Variants in SPOCD1 observed in about 807,000 individuals in gnomAD.
SPOCD1 encodes SPOC domain containing 1.
In SPOCD1, 64 loss-of-function variants were observed where a neutral mutation model predicts 92.2. That is an observed-to-expected ratio of 0.69 (90% confidence interval 0.57 to 0.86). SPOCD1 has a LOEUF of 0.86. Among genes scored for constraint, SPOCD1 ranks in the 40% least tolerant of loss-of-function variants. The probability of loss-of-function intolerance (pLI) is 0.00; values close to 1 mark genes in which losing one functional copy is unlikely to be tolerated. For synonymous variants in SPOCD1, 578 were observed against 619.3 expected, an observed-to-expected ratio of 0.93 and a Z score of 0.99; for missense variants, 1,360 against 1,543.1, an observed-to-expected ratio of 0.88 and a Z score of 1.99.
At chr1:31,811,358 C>T (rs1298472739) in intron 2 of SPOCD1, among the ~76,000 whole-genome samples, 1 of 151,840 alleles carries the variant, frequency 6.6e-6, no homozygotes, top group African/African-American at 2.4e-5. Flanking sequence ...GTAGTCCCAG[C>T]TACTCAGGAG....
At chr1:31,813,273 G>T (rs529078205) in intron 2 of SPOCD1, among the ~76,000 whole-genome samples, 14 of 151,968 alleles carry the variant, frequency 9.2e-5, no homozygotes, top group South Asian at 2.1e-4. Context: ...CCTTTTTTTT[G>T]TTTGTTTGTT....
intron 3 of SPOCD1, among the ~76,000 whole-genome samples, chr1:31,801,201 G>A (rs559841664): frequency 3.9e-5 from 6 of 152,260 alleles, no homozygotes; most frequent in African/African-American, 1.4e-4. Context: ...AATGAACTAC[G>A]GAATCTGTCC....
At chr1:31,802,093 A>G (rs906465415) in intron 2 of SPOCD1, among the ~76,000 whole-genome samples, 1 of 152,176 alleles carries the variant, frequency 6.6e-6, no homozygotes, top group Admixed American at 6.5e-5. Flanking sequence ...ACTTGAACCC[A>G]GGAGGCGGAG....
chr1:31,813,972 G>A lies in SPOCD1; in HGVS notation c.1362C>T (p.Ser454=). The A allele has an allele frequency of 1.9e-6, 3 of 1,559,962 alleles. No homozygotes were observed. Among genetic ancestry groups the A allele is most frequent in the African/African-American group, 2.7e-5 (2 of 73,430 alleles). ...NSHQDRPEEP[S]PGGCPRLEEV... ...TCACCAGTCTGGGGCAGCCTCCTGGGCTGGGTTCCTCTGGCCTGTCCTGGT... is the reference window on the plus strand; with the variant it reads ...TCACCAGTCTGGGGCAGCCTCCTGGACTGGGTTCCTCTGGCCTGTCCTGGT... The change falls in exon 2 of 16, where the codon AGC becomes AGT. Residue 454 remains serine, a synonymous_variant. Transcript: ENST00000360482.
rs764532590 is a variant in SPOCD1 at position 31,792,675 on chromosome 1, T to G, written c.2775+3A>C. On this transcript the variant is annotated splice_donor_region_variant and intron_variant, in intron 14 of 15. Coordinates refer to ENST00000360482, the MANE Select transcript of SPOCD1 (RefSeq NM_144569.7). ...GAGGGGGTGCCCAAGAGTGGGCAGG[T>G]ACCTTGGCCTTGGCTGGGCAGATGC... is the stretch of plus-strand genomic sequence containing the variant. 1 of 1,593,824 alleles carries G rather than the reference T, an allele frequency of 6.3e-7. No homozygotes were observed. The highest frequency in any genetic ancestry group is 8.5e-7 in the Non-Finnish European group (1 of 1,170,126).
chr1:31,793,791 C>G lies in SPOCD1; in HGVS notation c.2490G>C (p.Glu830Asp), dbSNP rs1299950369. ...ALSQTPMPAP[E>D]MPKTRELSPT... ...GAGACAACTCCCTGGTTTTGGGCAT[C>G]TCTGGAGCAGGCATAGGAGTTTGGC... The change falls in exon 12 of 16, where the codon GAG becomes GAC. Residue 830 changes from glutamate (E) to aspartate (D), a missense_variant. Glu to Asp is a conservative substitution (Grantham distance 45). Transcript: ENST00000360482. The G allele has an allele frequency of 5.6e-6, 9 of 1,614,104 alleles. No homozygotes were observed. In the Admixed American group the frequency reaches 1.0e-4, roughly 18 times the overall value.
intron 12 of SPOCD1, 92 bp downstream of exon 12, chr1:31,793,655 C>G (rs1044554638): frequency 1.2e-6 from 2 of 1,603,998 alleles, no homozygotes; most frequent in African/African-American, 2.7e-5. Flanking sequence ...CAAGGCCACA[C>G]AGGAAAAGCC....
chr1:31,814,282 C>CT lies in SPOCD1; in HGVS notation c.1051dup (p.Ser351LysfsTer3). The CT allele has an allele frequency of 8.9e-6, 14 of 1,579,430 alleles. No homozygotes were observed. Among genetic ancestry groups the CT allele is most frequent in the Non-Finnish European group, 1.1e-5 (13 of 1,160,050 alleles). ...CTGTGCTGGAGCCTGGCCTTCATCG[C>CT]TGCCAGTCCGCACGACACACACAGC... On this transcript the variant is annotated frameshift_variant, in exon 2 of 16. Coordinates refer to ENST00000360482, the MANE Select transcript of SPOCD1 (RefSeq NM_144569.7). LOFTEE classifies it high-confidence loss of function. This position sits in a 1 kb window ranked among gnomAD's most constrained non-coding sequence, Gnocchi z 4.2.
rs1647576278 is a variant in SPOCD1 at position 31,791,298 on chromosome 1, G to T, written c.2963-7C>A. 6.6e-7 allele frequency: 1 copy of T among 1,505,910 alleles called. No individual in the cohort carries two copies. Among genetic ancestry groups the T allele is most frequent in the African/African-American group, 1.4e-5 (1 of 71,236 alleles). The allele number at this position is 1,505,910 out of a possible 1,614,324, so 93.3% of individuals were successfully genotyped here. ...ACAGGAAGAGCCCAAAGGCCTGCGG[G>T]GAAGAACTGTGTTCAGCTTAGCTGC... On this transcript the variant is annotated splice_polypyrimidine_tract_variant and splice_region_variant and intron_variant, in intron 15 of 15. Coordinates refer to ENST00000360482, the MANE Select transcript of SPOCD1 (RefSeq NM_144569.7).
intron 6 of SPOCD1, 127 bp from the exon 7 acceptor site, chr1:31,799,612 C>T: frequency 9.3e-7 from 1 of 1,080,678 alleles, no homozygotes; most frequent in South Asian, 1.5e-5. Context: ...ACCCCTCCCT[C>T]TATCCATCTG....
At chr1:31,805,563 C>CA (rs746945315) in intron 2 of SPOCD1, among the ~76,000 whole-genome samples, 11 of 151,860 alleles carry the variant, frequency 7.2e-5, no homozygotes, top group Admixed American at 6.6e-5. Flanking sequence ...CTGGCCCTAC[C>CA]AAAATTTTTT....
chr1:31,794,041 C>T, intron 11 of SPOCD1, 83 bp downstream of exon 11: 1 of 1,525,916 alleles, frequency 6.6e-7, no homozygotes. Context: ...TCTCCCCAGG[C>T]CACAAATCCC....
In SPOCD1 at chr1:31,793,764, G is replaced by C; in HGVS notation, c.2517C>G (p.Pro839=). Residue 839 remains proline (P), a synonymous_variant, in exon 12 of 16, where the codon CCC becomes CCG. Coordinates refer to ENST00000360482, the MANE Select transcript of SPOCD1 (RefSeq NM_144569.7). ...CCCCACACCTGTCCTGTGGTTCCGT[G>C]GGAGACAACTCCCTGGTTTTGGGCA... The part of the protein sequence containing the change: ...PEMPKTRELS[P]TEPQDRVPPS... The C allele has an allele frequency of 6.2e-7, 1 of 1,614,170 alleles. No homozygotes were observed. The highest frequency in any genetic ancestry group is 8.5e-7 in the Non-Finnish European group (1 of 1,180,042).
At chr1:31,794,433 A>G (rs67410810) in intron 10 of SPOCD1, 198 bp from the exon 11 acceptor site, 78,992 of 470,098 alleles carry the variant, frequency 0.17, 8,696 homozygotes, top group African/African-American at 0.39. Flanking sequence ...ACTTCTTGTC[A>G]CACCACTCAG....
At chr1:31,815,581 G>A (rs1473056051) in intron 1 of SPOCD1, among the ~76,000 whole-genome samples, 4 of 152,230 alleles carry the variant, frequency 2.6e-5, no homozygotes, top group Non-Finnish European at 5.9e-5. Context: ...AAACAGGGCC[G>A]AGCTACAGTG....
Position 31,798,819 on chromosome 1 carries a change from A to G in SPOCD1, c.1869-218T>C, listed in dbSNP as rs1648219308. 3.3e-6 allele frequency: 2 copies of G among 604,322 alleles called. No homozygotes were observed. Among genetic ancestry groups the G allele is most frequent in the African/African-American group, 1.9e-5 (1 of 53,974 alleles). 37.4% of individuals were successfully genotyped at this position (604,322 alleles called of 1,614,324 possible). On this transcript the variant is annotated intron_variant, in intron 7 of 15. Coordinates refer to ENST00000360482, the MANE Select transcript of SPOCD1 (RefSeq NM_144569.7). The surrounding 1 kb of genome is among the most constrained non-coding windows in gnomAD (Gnocchi z 4.1). ...ATGGGGTTACTGGGGCTCAGGGAAA[A>G]TAAGAGGCTTACTCACAACTGTGTA... is the stretch of plus-strand genomic sequence containing the variant.
Position 31,796,820 on chromosome 1 carries a change from CCT to C in SPOCD1, c.2146-107_2146-106del, listed in dbSNP as rs2149101168. On this transcript the variant is annotated intron_variant, in intron 9 of 15. Coordinates refer to ENST00000360482, the MANE Select transcript of SPOCD1 (RefSeq NM_144569.7). Reference sequence around the variant, plus strand: ...CTTGAGGCCCCTCTCTTGTGGTTCCCCTCTCCTCAAAACTTTTACTTCCGCCA... The same window carrying C: ...CTTGAGGCCCCTCTCTTGTGGTTCCCCTCCTCAAAACTTTTACTTCCGCCA... 12 of 1,528,046 alleles carry C rather than the reference CCT, an allele frequency of 7.9e-6. No homozygotes were observed. The South Asian group carries it at 1.4e-4, about 18-fold the overall frequency. 94.7% of individuals were successfully genotyped at this position (1,528,046 alleles called of 1,614,324 possible).
intron 2 of SPOCD1, among the ~76,000 whole-genome samples, chr1:31,803,166 G>A (rs181839571): frequency 1.3e-4 from 20 of 152,050 alleles, no homozygotes; most frequent in East Asian, 3.9e-4. Flanking sequence ...TTCAACACTG[G>A]ACTATCAGAC....
Position 31,799,440 on chromosome 1 carries a change from C to T in SPOCD1, c.1829G>A (p.Gly610Asp). 1 of 1,611,860 alleles carries T rather than the reference C, an allele frequency of 6.2e-7. No individual in the cohort carries two copies. The change falls in exon 7 of 16, where the codon GGC becomes GAC. Residue 610 changes from glycine (G) to aspartate (D), a missense_variant. Physicochemically the swap from Gly to Asp is moderately conservative, Grantham distance 94. Around this residue, in one of 3 missense-constraint regions of SPOCD1, gnomAD observed 606 missense variants for 601.5 expected, o/e 1.01. Transcript: ENST00000360482. ...EKPSLYIGVR[G>D]TVVRSMQEVL... ...CTCCTGCATGGAACGGACAACAGTG[C>T]CCCGCACCCCAATATACAGGGATGG...
Sources: allele counts gnomAD v4.1 joint callset (sites outside exome capture counted in the v4.1 genomes callset), GRCh38; gene constraint gnomAD v4.1.1; regional missense constraint gnomAD v4.1.1; non-coding constraint Gnocchi (gnomAD v3.1); transcripts MANE v1.5; gene names NCBI Gene and HGNC (gene_info 2026-07-23, HGNC 2026-07-21).